The following SPNS3 variants were observed in gnomAD, a reference collection of about 807,000 sequenced individuals.
SPNS3 encodes protein spinster homolog 3.
A neutral mutation model predicts 54.4 loss-of-function variants in SPNS3; 51 were observed. The observed-to-expected ratio is 0.94, with a 90% confidence interval of 0.75 to 1.18. The LOEUF (loss-of-function observed/expected upper bound fraction) is 1.18. Among genes scored for constraint, SPNS3 ranks in the 50% most tolerant of loss-of-function variants. The pLI is 0.00. For missense variants in SPNS3, 669 were observed against 677.4 expected (o/e 0.99, Z 0.14); for synonymous variants, 309 against 294.7 (o/e 1.05, Z -0.50).
intron 9 of SPNS3, 120 bp downstream of exon 9, chr17:4,478,757 C>A: frequency 3.2e-6 from 3 of 936,618 alleles, no homozygotes; most frequent in South Asian, 1.6e-5. Context: ...GGGACCAAAG[C>A]CATTCACGGT....
At chr17:4,478,678 C>T (rs1292242477) in intron 9 of SPNS3, 41 bp downstream of exon 9, 18 of 1,560,018 alleles carry the variant, frequency 1.2e-5, no homozygotes, top group Non-Finnish European at 1.6e-5. Flanking sequence ...GCAGGGGGAG[C>T]TGGAGAGGAT....
chr17:4,481,441 G>A (rs752717444), intron 9 of SPNS3, among the ~76,000 whole-genome samples: 1 of 152,182 alleles, frequency 6.6e-6, no homozygotes, highest in Non-Finnish European at 1.5e-5. Context: ...CTTAGGGTGT[G>A]TGTGAACAGG....
chr17:4,460,518 G>A (rs1439093464), intron 8 of SPNS3, among the ~76,000 whole-genome samples: 6 of 147,272 alleles, frequency 4.1e-5, no homozygotes, highest in Non-Finnish European at 7.4e-5. Context: ...TGCAAGCTCT[G>A]CCGCCCGGGT....
chr17:4,446,299 G>A, intron 4 of SPNS3, 100 bp downstream of exon 4: 1 of 1,373,244 alleles, frequency 7.3e-7, no homozygotes, highest in Admixed American at 2.2e-5. Context: ...AAACCAGGAG[G>A]GCTGGGATTT....
chr17:4,458,446 C>T (rs1971375945), intron 8 of SPNS3, among the ~76,000 whole-genome samples: 1 of 96,062 alleles, frequency 1.0e-5, no homozygotes, highest in African/African-American at 2.8e-5. Flanking sequence ...TCCCTCCCTC[C>T]CTTCTTTCTT....
intron 8 of SPNS3, among the ~76,000 whole-genome samples, chr17:4,457,108 C>A (rs1219870272): frequency 6.6e-6 from 1 of 152,338 alleles, no homozygotes; most frequent in East Asian, 1.9e-4. Context: ...ACTCCAACAC[C>A]TGGCTGGGTG....
intron 2 of SPNS3, among the ~76,000 whole-genome samples, chr17:4,440,302 C>T (rs1002549108): frequency 6.6e-6 from 1 of 152,164 alleles, no homozygotes; most frequent in African/African-American, 2.4e-5. Flanking sequence ...GACACACACC[C>T]ACAGTGTGCA....
chr17:4,454,610 C>CTTTTTTTTTTT (rs55918406), intron 8 of SPNS3, among the ~76,000 whole-genome samples: 1 of 76,390 alleles, frequency 1.3e-5, no homozygotes, highest in East Asian at 3.4e-4. Flanking sequence ...CCAAATAAAG[C>CTTTTTTTTTTT]TTTTTTTTTT....
intron 8 of SPNS3, among the ~76,000 whole-genome samples, chr17:4,475,351 G>A (rs1971961841): frequency 6.6e-6 from 1 of 152,230 alleles, no homozygotes; most frequent in Non-Finnish European, 1.5e-5. Context: ...GAGGGATGGT[G>A]GGGCCTGGGA....
At chr17:4,475,150 A>T (rs1971956035) in intron 8 of SPNS3, among the ~76,000 whole-genome samples, 1 of 152,088 alleles carries the variant, frequency 6.6e-6, no homozygotes, top group Non-Finnish European at 1.5e-5. Context: ...TCGAGGGGGA[A>T]ATTCTCTTGG....
At chr17:4,438,149 C>A (rs1376152932) in intron 1 of SPNS3, among the ~76,000 whole-genome samples, 1 of 152,166 alleles carries the variant, frequency 6.6e-6, no homozygotes, top group African/African-American at 2.4e-5. Flanking sequence ...TGGGGCAGCT[C>A]TTAGAGGTGT....
intron 8 of SPNS3, among the ~76,000 whole-genome samples, chr17:4,458,587 TC>T (rs1409755380): frequency 0.026 from 772 of 30,230 alleles, 10 homozygotes; most frequent in Non-Finnish European, 0.038. Flanking sequence ...CTTCCTTCCC[TC>T]CTTTCTTTCT....
At chr17:4,450,390 T>C (rs1971131856) in intron 7 of SPNS3, among the ~76,000 whole-genome samples, 1 of 121,418 alleles carries the variant, frequency 8.2e-6, no homozygotes, top group African/African-American at 3.2e-5. Flanking sequence ...CCTCCCTCCT[T>C]CCCTCCCTCC....
At position 4,446,920 on chromosome 17, in the gene SPNS3, G is replaced by A. The variant is rs560565235; in HGVS notation, c.579G>A (p.Ser193=). 4.1e-5 allele frequency: 66 copies of A among 1,614,086 alleles called. No individual in the cohort carries two copies. Among genetic ancestry groups the A allele is most frequent in the Non-Finnish European group, 5.0e-5 (59 of 1,180,012 alleles). Residue 193 remains serine, a synonymous_variant, in exon 5 of 12, where the codon TCG becomes TCA. Transcript: ENST00000355530. ...GTGGTCTGGGCTACGTGCTGGGGTC[G>A]GCTGTGACGATGCTGACTGGGAACT... ...VGSGLGYVLG[S]AVTMLTGNWR... is the part of the protein sequence containing the mutation.
rs397837193 is a variant in SPNS3 at position 4,477,970 on chromosome 17, C to CTTTTT, written c.1114-587_1114-583dup. 3.9e-4 allele frequency among the ~76,000 whole-genome samples: 38 copies of CTTTTT among 97,600 alleles called. 3 individuals carry two copies. Among genetic ancestry groups the CTTTTT allele is most frequent in the South Asian group, 7.3e-4 (2 of 2,744 alleles). The allele number at this position is 97,600 out of a possible 152,430, so 64.0% of individuals were successfully genotyped here. The stretch of plus-strand genomic sequence containing the variant: ...AAAGTCTGTTTTTTTTTCACTTTTC[C>CTTTTT]TTTTTTTTTTTTTTTTTTTGAGGCG... On this transcript the variant is annotated intron_variant, in intron 8 of 11. Transcript: ENST00000355530.
chr17:4,447,613 G>C (rs1252205628), intron 5 of SPNS3, among the ~76,000 whole-genome samples: 1 of 152,188 alleles, frequency 6.6e-6, no homozygotes, highest in South Asian at 2.1e-4. Context: ...TTTTGGGGGT[G>C]GGGTGGGCTT....
intron 7 of SPNS3, among the ~76,000 whole-genome samples, chr17:4,452,338 G>A (rs747943922): frequency 6.6e-6 from 1 of 152,070 alleles, no homozygotes; most frequent in Admixed American, 6.6e-5. Flanking sequence ...GCCACAAAAT[G>A]CACTCCTGGG....
In SPNS3 at chr17:4,448,284, G is replaced by A. The variant is rs369580957; in HGVS notation, c.751G>A (p.Val251Ile). ...CTTCAGGAGCAGCTGGTGTGAGGAC[G>A]TCAGATACCTGGGGAAAAAGTGAGT... ...GGFRSSWCED[V>I]RYLGKNWSFV... is the part of the protein sequence containing the mutation. The change falls in exon 6 of 12, where the codon GTC becomes ATC. Residue 251 changes from valine (V) to isoleucine (I), a missense_variant. Physicochemically the swap from Val to Ile is conservative, Grantham distance 29 (BLOSUM62 3). Transcript: ENST00000355530. 1.1e-5 allele frequency: 17 copies of A among 1,571,456 alleles called. No individual in the cohort carries two copies. Among genetic ancestry groups the A allele is most frequent in the Middle Eastern group, 1.7e-4 (1 of 5,946 alleles).
At chr17:4,456,578 T>A (rs1971320655) in intron 8 of SPNS3, among the ~76,000 whole-genome samples, 1 of 152,172 alleles carries the variant, frequency 6.6e-6, no homozygotes, top group Non-Finnish European at 1.5e-5. Context: ...CAGGCTGGAG[T>A]ACAGTGGCAC....
Sources: allele counts gnomAD v4.1 joint callset (sites outside exome capture counted in the v4.1 genomes callset), GRCh38; gene constraint gnomAD v4.1.1; transcripts MANE v1.5; gene names NCBI Gene and HGNC (gene_info 2026-07-23, HGNC 2026-07-21).